Variants in QPCT observed in about 807,000 individuals in gnomAD.
The protein encoded by QPCT is EC.
A neutral mutation model predicts 43.4 loss-of-function variants in QPCT; 44 were observed. The ratio of observed to expected loss-of-function variants is 1.01; its 90% confidence interval spans 0.80 to 1.30. The LOEUF (loss-of-function observed/expected upper bound fraction) is 1.30, where lower values mean the gene tolerates loss of function less well. Among genes scored for constraint, QPCT ranks in the 50% most tolerant of loss-of-function variants. The pLI, the probability that QPCT is intolerant of heterozygous loss-of-function variation, is 0.00. For missense variants in QPCT, 526 were observed against 436.5 expected (o/e 1.21, Z -1.83); for synonymous variants, 168 against 168.4 (o/e 1.00, Z 0.02).
In QPCT at chr2:37,361,480, A is replaced by G. The variant is rs558317520; in HGVS notation, c.546+1622A>G. Among the ~76,000 whole-genome samples, 442 of 152,292 alleles carry G rather than the reference A, an allele frequency of 2.9e-3. 2 individuals carry two copies. Among genetic ancestry groups the G allele is most frequent in the African/African-American group, 0.01 (422 of 41,554 alleles). ...CTTCATTATTTGACTTGCCTTAGCC[A>G]ATGGGATGTTAGTAGAGGTGACACA... On this transcript the variant is annotated intron_variant, in intron 3 of 6. Coordinates refer to ENST00000338415, the MANE Select transcript of QPCT (RefSeq NM_012413.4).
chr2:37,356,872 G>A (rs998021909), intron 2 of QPCT, among the ~76,000 whole-genome samples: 7 of 152,092 alleles, frequency 4.6e-5, no homozygotes, highest in African/African-American at 1.7e-4. Context: ...TAGGCGTGGT[G>A]GCATGTGCCT....
intron 3 of QPCT, among the ~76,000 whole-genome samples, chr2:37,364,493 G>A (rs1672915989): frequency 1.3e-5 from 2 of 152,222 alleles, no homozygotes; most frequent in African/African-American, 4.8e-5. Flanking sequence ...TGGAACGCTT[G>A]ACCACATAAT....
chr2:37,363,894 T>C (rs10198567), intron 3 of QPCT, among the ~76,000 whole-genome samples: 7,222 of 152,000 alleles, frequency 0.048, 204 homozygotes, highest in South Asian at 0.086. Flanking sequence ...AATAAATCAA[T>C]AAAACAGTTG....
rs769269982 is a variant in QPCT at position 37,359,687 on chromosome 2, C to G, written c.375C>G (p.Ser125Arg). The G allele has an allele frequency of 5.6e-6, 9 of 1,614,144 alleles. No individual in the cohort carries two copies. Among genetic ancestry groups the G allele is most frequent in the Non-Finnish European group, 7.6e-6 (9 of 1,179,988 alleles). ...YGYRSFSNII[S>R]TLNPTAKRHL... ...ACCGGTCTTTCTCAAATATCATCAGCACCCTCAATCCCACTGCTAAACGAC... is the reference window on the plus strand; with the variant it reads ...ACCGGTCTTTCTCAAATATCATCAGGACCCTCAATCCCACTGCTAAACGAC... The change falls in exon 3 of 7, where the codon AGC becomes AGG. Residue 125 changes from serine (S) to arginine (R), a missense_variant. Transcript: ENST00000338415.
intron 1 of QPCT, among the ~76,000 whole-genome samples, chr2:37,349,335 C>T (rs971745235): frequency 6.6e-6 from 1 of 152,204 alleles, no homozygotes; most frequent in Non-Finnish European, 1.5e-5. Context: ...GCTGGATTTA[C>T]CCTTTAGTCA....
At chr2:37,369,582 C>T (rs1673030727) in intron 4 of QPCT, 103 bp from the exon 5 acceptor site, 1 of 839,914 alleles carries the variant, frequency 1.2e-6, no homozygotes, top group Admixed American at 2.0e-5. Context: ...ATATTATTCT[C>T]AATTACTGAA....
intron 3 of QPCT, among the ~76,000 whole-genome samples, chr2:37,363,016 A>T (rs1331988978): frequency 6.6e-6 from 1 of 152,154 alleles, no homozygotes; most frequent in Non-Finnish European, 1.5e-5. Context: ...ACAGTGGGGC[A>T]CCCCATGGAA....
At chr2:37,354,670 T>C (rs1672704186) in intron 2 of QPCT, among the ~76,000 whole-genome samples, 1 of 152,180 alleles carries the variant, frequency 6.6e-6, no homozygotes, top group Non-Finnish European at 1.5e-5. Context: ...GTGAGGCACA[T>C]ACCATTCACT....
At chr2:37,345,404 C>G (rs1412077532) in intron 1 of QPCT, among the ~76,000 whole-genome samples, 2 of 152,192 alleles carry the variant, frequency 1.3e-5, no homozygotes, top group Non-Finnish European at 2.9e-5. Context: ...TACTGGAGAC[C>G]TGCTTACTTC....
At chr2:37,360,421 A>G (rs1672839106) in intron 3 of QPCT, among the ~76,000 whole-genome samples, 1 of 152,198 alleles carries the variant, frequency 6.6e-6, no homozygotes, top group Admixed American at 6.5e-5. Flanking sequence ...TCTCAGCTCA[A>G]AATACTTCTG....
chr2:37,366,584 T>A (rs1022364185), intron 3 of QPCT, among the ~76,000 whole-genome samples: 1 of 152,222 alleles, frequency 6.6e-6, no homozygotes, highest in Non-Finnish European at 1.5e-5. Context: ...GATTTACAGT[T>A]GTTTCAGGTT....
At chr2:37,354,372 C>G (rs1394620597) in intron 2 of QPCT, among the ~76,000 whole-genome samples, 3 of 152,244 alleles carry the variant, frequency 2.0e-5, no homozygotes, top group Admixed American at 2.0e-4. Context: ...CTGACTTTCA[C>G]TGAGCAGTTT....
chr2:37,360,800 T>A (rs1672844954), intron 3 of QPCT, among the ~76,000 whole-genome samples: 2 of 152,184 alleles, frequency 1.3e-5, no homozygotes, highest in South Asian at 4.1e-4. Flanking sequence ...CCTTCTACAA[T>A]CCCTTTGTCC....
intron 3 of QPCT, among the ~76,000 whole-genome samples, chr2:37,360,594 C>T (rs746759750): frequency 5.3e-5 from 8 of 152,138 alleles, no homozygotes; most frequent in Non-Finnish European, 7.3e-5. Flanking sequence ...CTTTGTTCCC[C>T]GCTCAGAGCT....
chr2:37,367,245 C>T lies in QPCT; in HGVS notation c.560C>T (p.Ser187Phe), dbSNP rs772344318. Residue 187 changes from serine (S) to phenylalanine (F), a missense_variant, in exon 4 of 7, where the codon TCC becomes TTC. Ser to Phe is a radical substitution (Grantham distance 155, BLOSUM62 -2). Coordinates refer to ENST00000338415, the MANE Select transcript of QPCT (RefSeq NM_012413.4). ...KLLSLKTVSD[S>F]KPDLSLQLIF... ...TGTTTTTACCAGACTGTTTCAGACT[C>T]CAAGCCAGATTTGTCACTCCAGCTG... The T allele has an allele frequency of 3.1e-6, 5 of 1,613,626 alleles. No homozygotes were observed. The South Asian group carries it at 4.4e-5, about 14-fold the overall frequency.
intron 1 of QPCT, among the ~76,000 whole-genome samples, chr2:37,348,058 G>A (rs1051628408): frequency 2.6e-5 from 3 of 117,052 alleles, no homozygotes; most frequent in Admixed American, 1.1e-4. Flanking sequence ...CTCTGCGCGC[G>A]CACGCGTGTG....
At chr2:37,353,662 G>A (rs889674693) in intron 2 of QPCT, among the ~76,000 whole-genome samples, 1 of 152,082 alleles carries the variant, frequency 6.6e-6, no homozygotes, top group Admixed American at 6.5e-5. Context: ...ATGCCTCTTT[G>A]CCTCCCTGAT....
intron 2 of QPCT, among the ~76,000 whole-genome samples, chr2:37,357,265 A>G (rs1212969409): frequency 6.7e-6 from 1 of 149,314 alleles, no homozygotes; most frequent in Non-Finnish European, 1.5e-5. Context: ...TGGATACCAG[A>G]TGTTCTGGAG....
At chr2:37,353,062 T>C (rs1326478472) in intron 2 of QPCT, 127 bp downstream of exon 2, 2 of 1,141,308 alleles carry the variant, frequency 1.8e-6, no homozygotes, top group East Asian at 2.6e-5. Flanking sequence ...CACCAAATAG[T>C]CAACCAAGAA....
Sources: gnomAD v4.1 joint callset for allele counts (sites outside exome capture counted in the v4.1 genomes callset) on GRCh38, gnomAD v4.1.1 for gene constraint, MANE v1.5 for transcripts, NCBI Gene and HGNC (gene_info 2026-07-23, HGNC 2026-07-21) for gene names.